The following KAZN variants were observed in gnomAD, a reference collection of about 807,000 sequenced individuals.
KAZN encodes kazrin, periplakin interacting protein, also known as kazrin.
KAZN carries 40 observed loss-of-function variants against 87.4 expected under a neutral mutation model. That is an observed-to-expected ratio of 0.46 (90% CI 0.36 to 0.60). The LOEUF (loss-of-function observed/expected upper bound fraction) is 0.60, where lower values mean the gene tolerates loss of function less well. KAZN is among the 20% of genes least tolerant of loss of function. KAZN has a pLI of 0.00. For synonymous variants in KAZN, 466 were observed against 458.3 expected, an observed-to-expected ratio of 1.02 and a Z score of -0.22; for missense variants, 898 against 1,073.9, an observed-to-expected ratio of 0.84 and a Z score of 2.29.
chr1:14,793,881 C>A (rs1324794215), intron 1 of KAZN, among the ~76,000 whole-genome samples: 3 of 152,314 alleles, frequency 2.0e-5, no homozygotes, highest in East Asian at 1.9e-4. Flanking sequence ...CTCTGGCAAA[C>A]AAGACCACCC....
At chr1:14,347,898 T>G (rs2100929542) in intron 2 of KAZN, among the ~76,000 whole-genome samples, 1 of 151,814 alleles carries the variant, frequency 6.6e-6, no homozygotes, top group East Asian at 1.9e-4. Flanking sequence ...TTTTTTTCTT[T>G]TTTAGAGTCA....
intron 2 of KAZN, among the ~76,000 whole-genome samples, chr1:14,417,631 G>T (rs1664908649): frequency 6.6e-6 from 1 of 152,082 alleles, no homozygotes; most frequent in African/African-American, 2.4e-5. Context: ...TGTACAAGGA[G>T]ACCCTAGGAA....
chr1:14,072,402 G>A (rs577295609), intron 1 of KAZN, among the ~76,000 whole-genome samples: 1 of 152,164 alleles, frequency 6.6e-6, no homozygotes, highest in Admixed American at 6.5e-5. Context: ...TTCTTCCAGG[G>A]CCTCGGAAAG....
chr1:14,531,604 T>C (rs917626442), intron 2 of KAZN, among the ~76,000 whole-genome samples: 1 of 152,136 alleles, frequency 6.6e-6, no homozygotes, highest in African/African-American at 2.4e-5. Context: ...AAAGATGTGG[T>C]TGACAGCCTG....
At chr1:14,178,332 C>T (rs1326230911) in intron 1 of KAZN, among the ~76,000 whole-genome samples, 2 of 152,182 alleles carry the variant, frequency 1.3e-5, no homozygotes, top group African/African-American at 2.4e-5. Context: ...TCCCTGTCCT[C>T]CCCACCTCTG....
At chr1:14,018,024 C>T (rs1032254835) in intron 1 of KAZN, among the ~76,000 whole-genome samples, 2 of 152,164 alleles carry the variant, frequency 1.3e-5, no homozygotes, top group East Asian at 3.9e-4. Context: ...ATTTAAGCCT[C>T]AACACTTCCC....
intron 2 of KAZN, among the ~76,000 whole-genome samples, chr1:15,030,168 G>A (rs1671547258): frequency 6.6e-6 from 1 of 152,220 alleles, no homozygotes; most frequent in African/African-American, 2.4e-5. Flanking sequence ...ATGCGCATGT[G>A]CAAATGGAAA....
intron 1 of KAZN, among the ~76,000 whole-genome samples, chr1:14,836,609 G>T (rs928642108): frequency 9.2e-5 from 14 of 152,018 alleles, no homozygotes; most frequent in African/African-American, 3.4e-4. Flanking sequence ...CCTCTCTTGA[G>T]CATCCCCGAG....
At chr1:14,559,289 A>C (rs143179197) in intron 2 of KAZN, among the ~76,000 whole-genome samples, 1 of 152,340 alleles carries the variant, frequency 6.6e-6, no homozygotes, top group African/African-American at 2.4e-5. Context: ...ATGCATGTTG[A>C]ATGAATAATT....
At chr1:14,736,098 AG>A (rs1293385843) in intron 1 of KAZN, among the ~76,000 whole-genome samples, 2 of 152,188 alleles carry the variant, frequency 1.3e-5, no homozygotes, top group Non-Finnish European at 2.9e-5. Context: ...GGTGAAAAAC[AG>A]AAGTTCCCCA....
intron 1 of KAZN, among the ~76,000 whole-genome samples, chr1:14,035,089 C>A (rs746697686): frequency 1.3e-5 from 2 of 152,180 alleles, no homozygotes; most frequent in Non-Finnish European, 2.9e-5. Context: ...AAGGTGTCTT[C>A]TTTTGTTCAT....
At chr1:14,441,584 G>A (rs74623275) in intron 2 of KAZN, among the ~76,000 whole-genome samples, 1 of 152,224 alleles carries the variant, frequency 6.6e-6, no homozygotes, top group African/African-American at 2.4e-5. Context: ...GTTCTCATCA[G>A]ATACGTTTGG....
At chr1:14,402,321 A>G (rs1185973413) in intron 2 of KAZN, among the ~76,000 whole-genome samples, 1 of 151,970 alleles carries the variant, frequency 6.6e-6, no homozygotes, top group East Asian at 1.9e-4. Context: ...TTAATAATTG[A>G]TAACACTCAT....
At chr1:14,043,617 T>C (rs1163416453) in intron 1 of KAZN, among the ~76,000 whole-genome samples, 2 of 152,214 alleles carry the variant, frequency 1.3e-5, no homozygotes, top group African/African-American at 2.4e-5. Context: ...TTTCTGTTTT[T>C]TTTTTAATTA....
At chr1:14,731,765 G>T (rs1184887683) in intron 1 of KAZN, among the ~76,000 whole-genome samples, 1 of 152,228 alleles carries the variant, frequency 6.6e-6, no homozygotes, top group Non-Finnish European at 1.5e-5. Flanking sequence ...CACAGTGCCT[G>T]AGTGAGTCTC....
intron 2 of KAZN, among the ~76,000 whole-genome samples, chr1:14,389,404 G>C (rs372490257): frequency 5.3e-5 from 8 of 152,158 alleles, no homozygotes; most frequent in Non-Finnish European, 8.8e-5. Context: ...TCTGCACTCC[G>C]GTGTTTGTTG....
intron 2 of KAZN, among the ~76,000 whole-genome samples, chr1:14,393,865 C>A (rs116453082): frequency 0.055 from 7,623 of 137,646 alleles, 330 homozygotes; most frequent in East Asian, 0.25. Context: ...AAAAAAAAGT[C>A]ATGAAAACTT....
At chr1:14,545,894 CA>C (rs1358561918) in intron 2 of KAZN, among the ~76,000 whole-genome samples, 1 of 152,112 alleles carries the variant, frequency 6.6e-6, no homozygotes, top group African/African-American at 2.4e-5. Context: ...AGCAAGTTGC[CA>C]GATAGCCCCA....
rs36060158 is a variant in KAZN, at chr1:14,591,418, A to AACACACACACACAC, written c.250-7546_250-7533dup. On this transcript the variant is annotated intron_variant, in intron 2 of 16. Coordinates refer to the KAZN transcript ENST00000636203. The stretch of plus-strand genomic sequence containing the variant: ...TAAGGCCCCGAACAGGGAAAGAAGA[A>AACACACACACACAC]ACACACACACACACACACACACACA... Among the ~76,000 whole-genome samples, 560 of 147,384 alleles carry AACACACACACACAC rather than the reference A, an allele frequency of 3.8e-3. 7 individuals carry two copies. Among genetic ancestry groups the AACACACACACACAC allele is most frequent in the African/African-American group, 0.013 (535 of 39,736 alleles).
Sources: allele counts gnomAD v4.1 joint callset (sites outside exome capture counted in the v4.1 genomes callset), GRCh38; gene constraint gnomAD v4.1.1; transcripts MANE v1.5; gene names NCBI Gene and HGNC (gene_info 2026-07-23, HGNC 2026-07-21).